COL25A1: variants seen among roughly 807,000 people sequenced by gnomAD.
COL25A1 encodes the protein collagen type XXV alpha 1 chain.
COL25A1 carries 103 observed loss-of-function variants against 128.4 expected under a neutral mutation model. That is an observed-to-expected ratio of 0.80 (90% CI 0.68 to 0.94). The LOEUF is 0.94. Ranked by LOEUF, COL25A1 falls within the 40% of genes least tolerant of loss-of-function variation. COL25A1 has a pLI of 0.00. For synonymous variants in COL25A1, 279 were observed against 277.2 expected, an observed-to-expected ratio of 1.01 and a Z score of -0.06; for missense variants, 745 against 840.0, an observed-to-expected ratio of 0.89 and a Z score of 1.40.
At chr4:109,065,522 T>G (rs1037285677) in intron 3 of COL25A1, among the ~76,000 whole-genome samples, 2 of 147,572 alleles carry the variant, frequency 1.4e-5, no homozygotes, top group African/African-American at 5.2e-5. Flanking sequence ...AAATACCTTT[T>G]TGGTGCAGCA....
chr4:109,108,596 G>A (rs911469135), intron 3 of COL25A1, among the ~76,000 whole-genome samples: 1 of 152,116 alleles, frequency 6.6e-6, no homozygotes, highest in African/African-American at 2.4e-5. Context: ...GATCCTTGAG[G>A]AATTGCCACA....
chr4:109,255,185 A>G (rs1378880676), intron 3 of COL25A1, among the ~76,000 whole-genome samples: 2 of 152,250 alleles, frequency 1.3e-5, no homozygotes, highest in Admixed American at 1.3e-4. Context: ...ATGAATTTGT[A>G]ATTTATCAAA....
In COL25A1 at chr4:108,811,324, C is replaced by A. The variant is rs1364776988; in HGVS notation, c.*2603G>T. 1 of 152,010 alleles carries A rather than the reference C, an allele frequency of 6.6e-6. No individual in the cohort carries two copies. Among genetic ancestry groups the A allele is most frequent in the Non-Finnish European group, 1.5e-5 (1 of 67,928 alleles). 9.4% of individuals were successfully genotyped at this position (152,010 alleles called of 1,614,324 possible). A position where few individuals can be genotyped will look rare whatever the true frequency, so the allele number is the denominator to read the frequency against. ...TAAATGTAATGAAAGTTTACAACCT[C>A]ATTTAATCATGAAATAAGTTGATGT... On this transcript the variant is annotated 3_prime_UTR_variant, in exon 38 of 38. Transcript: ENST00000399132.
At chr4:109,299,281 A>G (rs1725286282) in intron 3 of COL25A1, among the ~76,000 whole-genome samples, 1 of 152,178 alleles carries the variant, frequency 6.6e-6, no homozygotes, top group Non-Finnish European at 1.5e-5. Context: ...CCACACTAGA[A>G]AAGTGCCTTC....
intron 3 of COL25A1, among the ~76,000 whole-genome samples, chr4:109,064,332 T>C (rs1762230932): frequency 6.6e-6 from 1 of 152,210 alleles, no homozygotes; most frequent in African/African-American, 2.4e-5. Context: ...GTCCCAAAAC[T>C]TGGAAAACAT....
chr4:109,223,478 CA>C (rs1241978781), intron 3 of COL25A1, among the ~76,000 whole-genome samples: 2 of 151,924 alleles, frequency 1.3e-5, no homozygotes, highest in Non-Finnish European at 2.9e-5. Flanking sequence ...CCCAAAGTTT[CA>C]GGGTATGCAG....
chr4:109,094,499 C>T (rs1054510208), intron 3 of COL25A1, among the ~76,000 whole-genome samples: 1 of 152,084 alleles, frequency 6.6e-6, no homozygotes, highest in Non-Finnish European at 1.5e-5. Flanking sequence ...AAAATGATTC[C>T]TCAAAGAGAA....
At chr4:109,118,800 G>A (rs772958814) in intron 3 of COL25A1, among the ~76,000 whole-genome samples, 6 of 151,940 alleles carry the variant, frequency 3.9e-5, no homozygotes, top group Non-Finnish European at 5.9e-5. Flanking sequence ...ACACCCCTCT[G>A]TCAGAAATGG....
intron 3 of COL25A1, among the ~76,000 whole-genome samples, chr4:109,257,643 T>C (rs1781166497): frequency 6.6e-6 from 1 of 152,184 alleles, no homozygotes; most frequent in Non-Finnish European, 1.5e-5. Context: ...AGTAAACCAA[T>C]ATCAAAGACA....
Position 109,197,470 on chromosome 4 carries a change from TA to T in COL25A1, c.367+103112del, listed in dbSNP as rs1560850912. Among the ~76,000 whole-genome samples the T allele has an allele frequency of 4.8e-3, 358 of 74,684 alleles. 2 individuals are homozygous for T. Among genetic ancestry groups the T allele is most frequent in the Non-Finnish European group, 8.8e-3 (296 of 33,794 alleles). 49.0% of individuals were successfully genotyped at this position (74,684 alleles called of 152,430 possible). On this transcript the variant is annotated intron_variant, in intron 3 of 37. Coordinates refer to ENST00000399132, the MANE Select transcript of COL25A1 (RefSeq NM_198721.4). The stretch of plus-strand genomic sequence containing the variant: ...ATATATTATATATAAATATTATATA[TA>T]ATATATATTATATATTATATATAAA...
At chr4:108,930,228 G>C (rs566721155) in intron 11 of COL25A1, among the ~76,000 whole-genome samples, 1 of 152,118 alleles carries the variant, frequency 6.6e-6, no homozygotes, top group East Asian at 1.9e-4. Context: ...ATCTGGCAAG[G>C]AGGCTTTTGT....
chr4:108,838,724 C>G (rs1734087417), intron 31 of COL25A1, among the ~76,000 whole-genome samples: 1 of 152,120 alleles, frequency 6.6e-6, no homozygotes, highest in Non-Finnish European at 1.5e-5. Flanking sequence ...CCTACATGGA[C>G]TAATCAACAA....
intron 30 of COL25A1, among the ~76,000 whole-genome samples, chr4:108,842,982 A>C (rs377489301): frequency 6.6e-6 from 1 of 151,716 alleles, no homozygotes; most frequent in African/African-American, 2.4e-5. Flanking sequence ...TCATCTATTC[A>C]AAAAATACAA....
rs567128339 is a variant in COL25A1 at position 109,148,842 on chromosome 4, T to TC, written c.368-98664dup. On this transcript the variant is annotated intron_variant, in intron 3 of 37. Transcript: ENST00000399132. ...TAGCTGCCCAGCCTTCTCACCTTTCTCCAAATGTTCCTTCTCCATAGCTTG... is the reference window on the plus strand; with the variant it reads ...TAGCTGCCCAGCCTTCTCACCTTTCTCCCAAATGTTCCTTCTCCATAGCTTG... Among the ~76,000 whole-genome samples the TC allele has an allele frequency of 2.0e-5, 3 of 152,276 alleles. No individual in the cohort carries two copies. In the East Asian group the frequency reaches 5.8e-4, roughly 29 times the overall value.
chr4:109,078,113 T>C (rs1763539174), intron 3 of COL25A1, among the ~76,000 whole-genome samples: 1 of 152,236 alleles, frequency 6.6e-6, no homozygotes, highest in Non-Finnish European at 1.5e-5. Flanking sequence ...TTGCAGTGCC[T>C]GGGTTTCTCT....
intron 5 of COL25A1, among the ~76,000 whole-genome samples, chr4:109,045,883 T>C (rs530583827): frequency 8.5e-5 from 13 of 152,334 alleles, no homozygotes; most frequent in African/African-American, 3.1e-4. Flanking sequence ...ACAGTATCAA[T>C]ACTTGTTTTA....
intron 27 of COL25A1, among the ~76,000 whole-genome samples, chr4:108,848,125 T>A (rs1040281120): frequency 2.0e-5 from 3 of 152,100 alleles, no homozygotes; most frequent in Non-Finnish European, 4.4e-5. Context: ...TAAAAAAAAA[T>A]TGTTGAGGTG....
chr4:108,847,529 T>C (rs750252757), intron 27 of COL25A1, among the ~76,000 whole-genome samples: 8 of 151,924 alleles, frequency 5.3e-5, no homozygotes, highest in Non-Finnish European at 1.0e-4. Flanking sequence ...GATCTAGTGA[T>C]GGCAGCAGGA....
intron 3 of COL25A1, among the ~76,000 whole-genome samples, chr4:109,056,705 C>T (rs1454699038): frequency 6.6e-6 from 1 of 151,686 alleles, no homozygotes; most frequent in Non-Finnish European, 1.5e-5. Flanking sequence ...CATTAGACCA[C>T]CTAAAGCCAA....
Sources: gnomAD v4.1 joint callset for allele counts (sites outside exome capture counted in the v4.1 genomes callset) on GRCh38, gnomAD v4.1.1 for gene constraint, MANE v1.5 for transcripts, NCBI Gene and HGNC (gene_info 2026-07-23, HGNC 2026-07-21) for gene names.